The following MAGI2 variants were observed in gnomAD, a reference collection of about 807,000 sequenced individuals.
The protein encoded by MAGI2 is membrane-associated guanylate kinase, WW and PDZ domain-containing protein 2.
Under a neutral mutation model 133.3 loss-of-function variants are expected in MAGI2, and 35 were observed. That is an observed-to-expected ratio of 0.26 (90% CI 0.20 to 0.35). The LOEUF is 0.35. MAGI2 is among the 10% of genes least tolerant of loss of function. The pLI, the probability that MAGI2 is intolerant of heterozygous loss-of-function variation, is 1.00. For synonymous variants in MAGI2, 729 were observed against 710.6 expected, an observed-to-expected ratio of 1.03 and a Z score of -0.41; for missense variants, 1,636 against 1,863.4, an observed-to-expected ratio of 0.88 and a Z score of 2.25.
At chr7:78,719,867 A>C (rs1271754161) in intron 2 of MAGI2, among the ~76,000 whole-genome samples, 3 of 152,174 alleles carry the variant, frequency 2.0e-5, no homozygotes, top group African/African-American at 7.2e-5. Flanking sequence ...ATAAGTAAAA[A>C]GTTTAAATAG....
At position 78,195,062 on chromosome 7, in the gene MAGI2, A is replaced by G. The variant is rs371681912; in HGVS notation, c.2081T>C (p.Ile694Thr). The change falls in exon 12 of 22, where the codon ATA becomes ACA. Residue 694 changes from isoleucine to threonine, a missense_variant and splice_region_variant. Physicochemically the swap from Ile to Thr is moderately conservative, Grantham distance 89 (BLOSUM62 -1). This residue lies in a region of MAGI2 where 920 missense variants were observed against 1,093.5 expected (regional missense o/e 0.84). Transcript: ENST00000354212. Reference protein sequence around the residue: ...FFSPWKTPKPIMDRWENQGSP... With the variant: ...FFSPWKTPKPTMDRWENQGSP... ...GCCTTGATTCTCCCATCGGTCCATTATCTGAAAAGTGACAGAGGACAGAGA... is the reference window on the plus strand; with the variant it reads ...GCCTTGATTCTCCCATCGGTCCATTGTCTGAAAAGTGACAGAGGACAGAGA... 4 of 1,600,398 alleles carry G rather than the reference A, an allele frequency of 2.5e-6. No individual in the cohort carries two copies. Among genetic ancestry groups the G allele is most frequent in the Admixed American group, 1.7e-5 (1 of 57,692 alleles).
chr7:78,442,910 T>A (rs1270923753), intron 6 of MAGI2, among the ~76,000 whole-genome samples: 1 of 152,198 alleles, frequency 6.6e-6, no homozygotes, highest in Non-Finnish European at 1.5e-5. Context: ...AGTTTCCTCA[T>A]TCAGGAAAAC....
intron 2 of MAGI2, among the ~76,000 whole-genome samples, chr7:78,672,816 T>TG (rs1814552082): frequency 6.6e-6 from 1 of 152,150 alleles, no homozygotes; most frequent in African/African-American, 2.4e-5. Flanking sequence ...TTCTGATGCA[T>TG]GCCAATGTTT....
At chr7:78,745,094 C>G (rs1327537663) in intron 2 of MAGI2, among the ~76,000 whole-genome samples, 1 of 152,192 alleles carries the variant, frequency 6.6e-6, no homozygotes, top group Non-Finnish European at 1.5e-5. Context: ...AACTTATAAA[C>G]ATTTGAGCCA....
At chr7:78,361,081 G>A (rs947216929) in intron 7 of MAGI2, among the ~76,000 whole-genome samples, 1 of 147,226 alleles carries the variant, frequency 6.8e-6, no homozygotes, top group Non-Finnish European at 1.5e-5. Context: ...CCTAAACAAG[G>A]GCCTGATTTG....
rs1488962906 is a variant in MAGI2, at chr7:78,555,297, C to T, written c.539-33652G>A. Among the ~76,000 whole-genome samples, 4 of 152,100 alleles carry T rather than the reference C, an allele frequency of 2.6e-5. No individual in the cohort carries two copies. In the East Asian group the frequency reaches 7.8e-4, roughly 29 times the overall value. ...TGTTTCCTTATGAAGGCTTCCATGT[C>T]ACATAAAACTCAACCAGGGACCCTA... On this transcript the variant is annotated intron_variant, in intron 3 of 21. Transcript: ENST00000354212.
intron 1 of MAGI2, among the ~76,000 whole-genome samples, chr7:79,390,730 G>A (rs1242382546): frequency 6.6e-6 from 1 of 152,168 alleles, no homozygotes; most frequent in Non-Finnish European, 1.5e-5. Flanking sequence ...TCGAAGCGTG[G>A]ATTTTATGAA....
intron 1 of MAGI2, among the ~76,000 whole-genome samples, chr7:79,359,846 C>G (rs191551006): frequency 1.8e-3 from 268 of 152,162 alleles, no homozygotes; most frequent in African/African-American, 6.1e-3. Context: ...AACCCTTAAC[C>G]CTTTTCCCAT....
intron 3 of MAGI2, among the ~76,000 whole-genome samples, chr7:78,592,927 C>T (rs1031495402): frequency 1.3e-5 from 2 of 149,590 alleles, no homozygotes; most frequent in East Asian, 2.0e-4. Flanking sequence ...CTCCACCTCC[C>T]GAGCTCAAGC....
chr7:78,873,767 C>T (rs1243843921), intron 2 of MAGI2, among the ~76,000 whole-genome samples: 1 of 152,042 alleles, frequency 6.6e-6, no homozygotes, highest in Admixed American at 6.6e-5. Context: ...GGTTGGGGAC[C>T]ACTGCTATGC....
intron 3 of MAGI2, among the ~76,000 whole-genome samples, chr7:78,562,437 G>A (rs185588774): frequency 6.6e-6 from 1 of 152,282 alleles, no homozygotes. Flanking sequence ...CATTTTCACA[G>A]TTTAAAGAAT....
intron 4 of MAGI2, among the ~76,000 whole-genome samples, chr7:78,503,366 G>A (rs1794785778): frequency 6.6e-6 from 1 of 152,028 alleles, no homozygotes; most frequent in South Asian, 2.1e-4. Context: ...AGATGATATG[G>A]TTTGGCTGTG....
chr7:78,309,780 T>A (rs1350516981), intron 9 of MAGI2, among the ~76,000 whole-genome samples: 1 of 152,224 alleles, frequency 6.6e-6, no homozygotes, highest in African/African-American at 2.4e-5. Flanking sequence ...GCTTTCCGGC[T>A]TCCTGGCTGC....
At chr7:78,603,990 G>A (rs963642553) in intron 3 of MAGI2, among the ~76,000 whole-genome samples, 2 of 152,142 alleles carry the variant, frequency 1.3e-5, no homozygotes, top group Admixed American at 1.3e-4. Flanking sequence ...GAGCTGATAG[G>A]CTGGTCGGAT....
intron 7 of MAGI2, among the ~76,000 whole-genome samples, chr7:78,362,938 T>A (rs926261249): frequency 2.7e-4 from 41 of 152,206 alleles, no homozygotes; most frequent in African/African-American, 9.9e-4. Context: ...GTTAACTCCT[T>A]AGAGATTTGA....
At chr7:78,611,302 C>T (rs556454980) in intron 3 of MAGI2, among the ~76,000 whole-genome samples, 108 of 152,244 alleles carry the variant, frequency 7.1e-4, no homozygotes, top group African/African-American at 2.5e-3. Context: ...CTTCTTTTTC[C>T]TTGTTTCACT....
At chr7:79,199,403 G>A (rs1417668780) in intron 1 of MAGI2, among the ~76,000 whole-genome samples, 1 of 151,936 alleles carries the variant, frequency 6.6e-6, no homozygotes, top group Non-Finnish European at 1.5e-5. Flanking sequence ...CTTTTTACAA[G>A]CTCAGTAATT....
chr7:78,098,900 T>C (rs1237078286), intron 20 of MAGI2, among the ~76,000 whole-genome samples: 2 of 152,216 alleles, frequency 1.3e-5, no homozygotes, highest in Non-Finnish European at 1.5e-5. Flanking sequence ...CATTCATAAA[T>C]TCTTCCTTAA....
At position 78,716,443 on chromosome 7, in the gene MAGI2, C is replaced by G. The variant is rs1585176188; in HGVS notation, c.419-89204G>C. Among the ~76,000 whole-genome samples, 10 of 152,058 alleles carry G rather than the reference C, an allele frequency of 6.6e-5. 1 individual carries two copies. The South Asian group carries it at 2.1e-3, about 32-fold the overall frequency. ...TAGGAGAGAAAGCAATGAAAAATAG[C>G]AAAACTGTTCCTAAGTTAGAAATTA... On this transcript the variant is annotated intron_variant, in intron 2 of 21. Transcript: ENST00000354212.
Sources: allele counts gnomAD v4.1 joint callset (sites outside exome capture counted in the v4.1 genomes callset), GRCh38; gene constraint gnomAD v4.1.1; regional missense constraint gnomAD v4.1.1; transcripts MANE v1.5; gene names NCBI Gene and HGNC (gene_info 2026-07-23, HGNC 2026-07-21).